CFAP97D2: variants seen among roughly 807,000 people sequenced by gnomAD.
CFAP97D2 encodes the protein uncharacterized protein CFAP97D2.
intron 4 of CFAP97D2, among the ~76,000 whole-genome samples, chr13:114,214,996 A>G (rs1196497155): frequency 2.0e-5 from 3 of 152,204 alleles, no homozygotes; most frequent in Non-Finnish European, 1.5e-5. Context: ...TATGATGATC[A>G]TCTTAACCCA....
intron 1 of CFAP97D2, among the ~76,000 whole-genome samples, chr13:114,183,259 C>T (rs1047742423): frequency 5.9e-5 from 9 of 152,118 alleles, no homozygotes; most frequent in African/African-American, 1.9e-4. Flanking sequence ...CTCTGCCTCC[C>T]GGGTTCCAGC....
intron 1 of CFAP97D2, among the ~76,000 whole-genome samples, chr13:114,190,941 G>T (rs1243303257): frequency 6.6e-6 from 1 of 152,164 alleles, no homozygotes; most frequent in East Asian, 1.9e-4. Flanking sequence ...ATCATCAACT[G>T]ATCTTTGACA....
chr13:114,192,431 A>G (rs1250632180), intron 1 of CFAP97D2, among the ~76,000 whole-genome samples: 1 of 152,224 alleles, frequency 6.6e-6, no homozygotes, highest in African/African-American at 2.4e-5. Context: ...ATCGCAAACA[A>G]AAACACAACA....
At position 114,206,360 on chromosome 13, in the gene CFAP97D2, C is replaced by T. The variant is rs370247674; in HGVS notation, c.291-5552C>T. The stretch of plus-strand genomic sequence containing the variant: ...TCAGATGATCTGCCCACCTCAGCCT[C>T]CCAAAGTGCTGGGATTACAGGCGTG... On this transcript the variant is annotated intron_variant, in intron 3 of 4. Transcript: ENST00000646158. Among the ~76,000 whole-genome samples, 7 of 152,316 alleles carry T rather than the reference C, an allele frequency of 4.6e-5. No homozygotes were observed. In the East Asian group the frequency reaches 1.4e-3, roughly 29 times the overall value.
At chr13:114,201,498 G>T (rs1429953918) in intron 3 of CFAP97D2, among the ~76,000 whole-genome samples, 1 of 152,202 alleles carries the variant, frequency 6.6e-6, no homozygotes, top group Non-Finnish European at 1.5e-5. Flanking sequence ...ATGGTCCTGT[G>T]TGCTGGCTTT....
In CFAP97D2 at chr13:114,185,081, T is replaced by C. The variant is rs1055116709; in HGVS notation, c.90+5661T>C. ...GTGGCAGTAACAGCGGTGGGACCTC[T>C]GTGTCCCACATCCCCAAGGCAGCCA... On this transcript the variant is annotated intron_variant, in intron 1 of 4. Coordinates refer to ENST00000646158, the Ensembl canonical transcript of CFAP97D2. This position sits in a 1 kb window ranked among gnomAD's most constrained non-coding sequence, Gnocchi z 5.2. Among the ~76,000 whole-genome samples the C allele has an allele frequency of 1.3e-5, 2 of 152,192 alleles. No individual in the cohort carries two copies. The highest frequency in any genetic ancestry group is 2.9e-5 in the Non-Finnish European group (2 of 68,028).
intron 4 of CFAP97D2, chr13:114,212,208 A>C: frequency 2.5e-6 from 1 of 397,572 alleles, no homozygotes; most frequent in Non-Finnish European, 4.4e-6. Context: ...TTGCCGTATT[A>C]GAGCATTTTG....
At position 114,185,331 on chromosome 13, in the gene CFAP97D2, G is replaced by C. The variant is rs1199670353; in HGVS notation, c.90+5911G>C. The stretch of plus-strand genomic sequence containing the variant: ...CAGGCCGAGCTGCCTGCTGACGGGA[G>C]AGCAGTGCAGTTGGGCACACAGGAG... On this transcript the variant is annotated intron_variant, in intron 1 of 4. Coordinates refer to ENST00000646158, the Ensembl canonical transcript of CFAP97D2. This position sits in a 1 kb window ranked among gnomAD's most constrained non-coding sequence, Gnocchi z 5.2. Among the ~76,000 whole-genome samples the C allele has an allele frequency of 6.6e-6, 1 of 152,244 alleles. No homozygotes were observed. Among genetic ancestry groups the C allele is most frequent in the African/African-American group, 2.4e-5 (1 of 41,466 alleles).
At position 114,204,146 on chromosome 13, in the gene CFAP97D2, C is replaced by T. The variant is rs540534455; in HGVS notation, c.290+3703C>T. ...AGGAAAATACATTTCGAGGAGGCAG[C>T]GGGCAGCCCACAGGAGAGAGGCTGA... On this transcript the variant is annotated intron_variant, in intron 3 of 4. Transcript: ENST00000646158. 8.5e-5 allele frequency among the ~76,000 whole-genome samples: 13 copies of T among 152,228 alleles called. No individual in the cohort carries two copies. In the East Asian group the frequency reaches 1.5e-3, roughly 18 times the overall value.
intron 3 of CFAP97D2, among the ~76,000 whole-genome samples, chr13:114,206,662 T>G (rs2080941786): frequency 6.6e-6 from 1 of 152,124 alleles, no homozygotes; most frequent in Non-Finnish European, 1.5e-5. Flanking sequence ...GGCAAGGGTA[T>G]GGAGGGGTAG....
chr13:114,219,161 G>C (rs1288986533), intron 4 of CFAP97D2, among the ~76,000 whole-genome samples: 2 of 152,154 alleles, frequency 1.3e-5, no homozygotes, highest in Non-Finnish European at 2.9e-5. Context: ...AATCTACAAA[G>C]AACTCAAACA....
At chr13:114,212,424 A>G (rs2080971243) in intron 4 of CFAP97D2, among the ~76,000 whole-genome samples, 1 of 152,224 alleles carries the variant, frequency 6.6e-6, no homozygotes, top group South Asian at 2.1e-4. Context: ...CATCATTAAC[A>G]TCAGGTTGGC....
chr13:114,210,855 T>TACACACAC (rs34230424), intron 3 of CFAP97D2, among the ~76,000 whole-genome samples: 8,310 of 144,864 alleles, frequency 0.057, 352 homozygotes, highest in East Asian at 0.24. Flanking sequence ...ATTTCATTGA[T>TACACACAC]ACACACACAC....
intron 4 of CFAP97D2, among the ~76,000 whole-genome samples, chr13:114,221,894 C>T (rs1286204721): frequency 6.6e-6 from 1 of 152,134 alleles, no homozygotes; most frequent in Non-Finnish European, 1.5e-5. Context: ...TACATTCATG[C>T]AAAAACCCAT....
At chr13:114,209,174 C>T (rs563864716) in intron 3 of CFAP97D2, among the ~76,000 whole-genome samples, 36 of 152,366 alleles carry the variant, frequency 2.4e-4, no homozygotes, top group African/African-American at 6.0e-4. Flanking sequence ...GTGAGGACCA[C>T]AGTGAAACAG....
chr13:114,198,751 G>A (rs370624817), intron 2 of CFAP97D2, among the ~76,000 whole-genome samples: 1 of 60,118 alleles, frequency 1.7e-5, no homozygotes, highest in Admixed American at 1.6e-4. Flanking sequence ...CCCGCTGAGG[G>A]GTGACGGCGC....
intron 4 of CFAP97D2, among the ~76,000 whole-genome samples, chr13:114,218,643 T>A (rs961293487): frequency 6.6e-6 from 1 of 152,184 alleles, no homozygotes; most frequent in Non-Finnish European, 1.5e-5. Flanking sequence ...AAGGCTACAG[T>A]AACCAAAACA....
chr13:114,193,595 T>C (rs774817420), intron 1 of CFAP97D2, among the ~76,000 whole-genome samples: 37 of 152,182 alleles, frequency 2.4e-4, no homozygotes, highest in African/African-American at 8.7e-4. Flanking sequence ...CATTAATCCA[T>C]TTAGGAAGGC....
chr13:114,192,957 T>C (rs549207440), intron 1 of CFAP97D2, among the ~76,000 whole-genome samples: 1 of 152,312 alleles, frequency 6.6e-6, no homozygotes, highest in Admixed American at 6.5e-5. Flanking sequence ...CAATGATATG[T>C]CCCTAACATG....
Sources: gnomAD v4.1 joint callset for allele counts (sites outside exome capture counted in the v4.1 genomes callset) on GRCh38, gnomAD v4.1.1 for gene constraint, Gnocchi (gnomAD v3.1) non-coding constraint, MANE v1.5 for transcripts, NCBI Gene and HGNC (gene_info 2026-07-23, HGNC 2026-07-21) for gene names.